GTF2A1L: variants seen among roughly 807,000 people sequenced by gnomAD.
GTF2A1L encodes the protein TFIIA-alpha and beta-like factor.
A neutral mutation model predicts 49.7 loss-of-function variants in GTF2A1L; 48 were observed. The observed-to-expected ratio is 0.97, with a 90% CI of 0.77 to 1.23. The LOEUF is 1.23. Ranked by LOEUF, GTF2A1L falls within the 50% of genes most tolerant of loss-of-function variation. The pLI is 0.00. For missense variants in GTF2A1L, 736 were observed against 564.8 expected (o/e 1.30, Z -3.07); for synonymous variants, 246 against 193.5 (o/e 1.27, Z -2.25).
intron 8 of GTF2A1L, among the ~76,000 whole-genome samples, chr2:48,673,247 C>A (rs531488290): frequency 6.6e-6 from 1 of 152,176 alleles, no homozygotes; most frequent in Admixed American, 6.5e-5. Flanking sequence ...AAAAGTAATA[C>A]CTTTTCCTTA....
chr2:48,645,139 C>G (rs1232556866), intron 5 of GTF2A1L, 22 bp downstream of exon 5: 1 of 1,574,780 alleles, frequency 6.4e-7, no homozygotes, highest in Non-Finnish European at 8.6e-7. Flanking sequence ...TTCTAAGAAT[C>G]TTTTTGTTTT....
At chr2:48,671,746 T>C in intron 8 of GTF2A1L, 66 bp downstream of exon 8, 1 of 1,417,896 alleles carries the variant, frequency 7.1e-7, no homozygotes, top group Non-Finnish European at 9.7e-7. Context: ...GTATGTAAAA[T>C]GATGGGAAAT....
At chr2:48,673,379 T>TG (rs2104316294) in intron 8 of GTF2A1L, among the ~76,000 whole-genome samples, 1 of 131,928 alleles carries the variant, frequency 7.6e-6, no homozygotes, top group East Asian at 2.0e-4. Context: ...TTTTTTTTTT[T>TG]TGAGATGGAG....
At chr2:48,636,268 CT>C (rs35596649) in intron 3 of GTF2A1L, among the ~76,000 whole-genome samples, 3 of 152,200 alleles carry the variant, frequency 2.0e-5, no homozygotes, top group African/African-American at 7.2e-5. Flanking sequence ...TTTCCTTGTA[CT>C]TTTGCATGCT....
intron 6 of GTF2A1L, among the ~76,000 whole-genome samples, chr2:48,649,701 C>A (rs1316380143): frequency 6.6e-6 from 1 of 152,190 alleles, no homozygotes; most frequent in Non-Finnish European, 1.5e-5. Context: ...AGATCTGTCC[C>A]AAATGCAGCC....
At chr2:48,621,443 C>T (rs184321887) in intron 3 of GTF2A1L, 153 bp downstream of exon 3, 2 of 983,492 alleles carry the variant, frequency 2.0e-6, no homozygotes, top group Non-Finnish European at 1.4e-6. Context: ...TAAATCATTG[C>T]CCCATGTAAT....
At position 48,647,047 on chromosome 2, in the gene GTF2A1L, A is replaced by T; in HGVS notation, c.978+5A>T. On this transcript the variant is annotated splice_donor_5th_base_variant and intron_variant, in intron 6 of 8. Transcript: ENST00000403751. ...AACATACCTGTATCAGAGAAGGTAT[A>T]GTTCTGTGTCCAACTTCTTGGTATC... 1 of 1,579,140 alleles carries T rather than the reference A, an allele frequency of 6.3e-7. No individual in the cohort carries two copies. Among genetic ancestry groups the T allele is most frequent in the Non-Finnish European group, 8.6e-7 (1 of 1,163,620 alleles).
At chr2:48,648,963 A>T (rs1572735723) in intron 6 of GTF2A1L, among the ~76,000 whole-genome samples, 1 of 152,186 alleles carries the variant, frequency 6.6e-6, no homozygotes, top group East Asian at 1.9e-4. Flanking sequence ...AACTTAAAGC[A>T]AGTTATAATC....
At chr2:48,619,365 G>T (rs1208125032) in intron 1 of GTF2A1L, among the ~76,000 whole-genome samples, 1 of 151,866 alleles carries the variant, frequency 6.6e-6, no homozygotes, top group African/African-American at 2.4e-5. Flanking sequence ...AGCTACTCTG[G>T]ATGCTGAGAC....
intron 1 of GTF2A1L, among the ~76,000 whole-genome samples, chr2:48,620,302 T>TTC (rs1376045456): frequency 5.9e-5 from 9 of 152,216 alleles, no homozygotes; most frequent in African/African-American, 1.7e-4. Context: ...GTTATTGTAG[T>TTC]TCTGTAATTC....
In GTF2A1L at chr2:48,665,786, G is replaced by T. The variant is rs796256457; in HGVS notation, c.979-3936G>T. Among the ~76,000 whole-genome samples the T allele has an allele frequency of 5.9e-5, 9 of 152,042 alleles. 1 individual carries two copies. The highest frequency in any genetic ancestry group is 1.9e-4 in the African/African-American group (8 of 41,524). ...TCTTGAAGCTATTTGGCTATTTTTG[G>T]GTGGGGTATTCTCTATATATTAATT... On this transcript the variant is annotated intron_variant, in intron 6 of 8. Coordinates refer to ENST00000403751, the MANE Select transcript of GTF2A1L (RefSeq NM_006872.5).
At chr2:48,664,000 C>T (rs1273753757) in intron 6 of GTF2A1L, among the ~76,000 whole-genome samples, 2 of 152,146 alleles carry the variant, frequency 1.3e-5, no homozygotes, top group Non-Finnish European at 2.9e-5. Context: ...GACCTAATAT[C>T]CTGTGACCTC....
chr2:48,643,511 G>A (rs1333846364), intron 4 of GTF2A1L, among the ~76,000 whole-genome samples: 2 of 151,992 alleles, frequency 1.3e-5, no homozygotes, highest in African/African-American at 4.8e-5. Context: ...TTTGATAGGA[G>A]ACCAATGAAG....
At chr2:48,667,640 CT>C (rs2104296081) in intron 6 of GTF2A1L, among the ~76,000 whole-genome samples, 1 of 152,258 alleles carries the variant, frequency 6.6e-6, no homozygotes, top group Non-Finnish European at 1.5e-5. Flanking sequence ...TATATTTCAT[CT>C]GTGAAGCAAA....
At chr2:48,652,418 C>G (rs529300185) in intron 6 of GTF2A1L, among the ~76,000 whole-genome samples, 2 of 152,002 alleles carry the variant, frequency 1.3e-5, no homozygotes, top group African/African-American at 4.8e-5. Context: ...GAGTTCGAGA[C>G]CAGCCTGGTC....
chr2:48,640,410 G>C (rs1346583919), intron 3 of GTF2A1L, among the ~76,000 whole-genome samples: 1 of 152,094 alleles, frequency 6.6e-6, no homozygotes, highest in African/African-American at 2.4e-5. Context: ...TGGAGCTGGA[G>C]GCTATTATCT....
intron 8 of GTF2A1L, among the ~76,000 whole-genome samples, chr2:48,677,566 A>G (rs905911045): frequency 6.6e-6 from 1 of 151,994 alleles, no homozygotes; most frequent in Non-Finnish European, 1.5e-5. Flanking sequence ...TTGGATGGGA[A>G]GTCATTGGAG....
chr2:48,627,820 C>A (rs1676368983), intron 3 of GTF2A1L, among the ~76,000 whole-genome samples: 1 of 142,910 alleles, frequency 7.0e-6, no homozygotes, highest in Admixed American at 7.1e-5. Context: ...TGCATAGTAC[C>A]CCCAGGTACT....
At chr2:48,644,960 C>A in intron 4 of GTF2A1L, 73 bp from the exon 5 acceptor site, 2 of 1,398,628 alleles carry the variant, frequency 1.4e-6, no homozygotes, top group Non-Finnish European at 1.9e-6. Flanking sequence ...TTTTGACTCC[C>A]TGTGAGATCA....
Sources: gnomAD v4.1 joint callset for allele counts (sites outside exome capture counted in the v4.1 genomes callset) on GRCh38, gnomAD v4.1.1 for gene constraint, MANE v1.5 for transcripts, NCBI Gene and HGNC (gene_info 2026-07-23, HGNC 2026-07-21) for gene names.